PTK2: variants seen among roughly 807,000 people sequenced by gnomAD.
The protein encoded by PTK2 is protein tyrosine kinase 2.
PTK2 carries 45 observed loss-of-function variants against 150.1 expected under a neutral mutation model. The observed-to-expected ratio is 0.30, with a 90% confidence interval of 0.24 to 0.38. The LOEUF is 0.38. PTK2 is among the 10% of genes least tolerant of loss of function. PTK2 has a pLI of 1.00. For missense variants in PTK2, 919 were observed against 1,307.3 expected (o/e 0.70, Z 4.58); for synonymous variants, 432 against 449.2 (o/e 0.96, Z 0.48).
chr8:140,965,743 G>A (rs1412223246), intron 1 of PTK2, among the ~76,000 whole-genome samples: 2 of 152,176 alleles, frequency 1.3e-5, no homozygotes, highest in African/African-American at 2.4e-5. Flanking sequence ...CAGGCATGGT[G>A]GCACACACCT....
chr8:140,879,409 C>T, intron 4 of PTK2, 62 bp downstream of exon 4: 2 of 1,460,146 alleles, frequency 1.4e-6, no homozygotes, highest in Non-Finnish European at 1.8e-6. Flanking sequence ...TTATCTTGTG[C>T]ATGTTTTTAA....
chr8:140,930,951 G>GT (rs2100171474), intron 1 of PTK2, among the ~76,000 whole-genome samples: 1 of 151,740 alleles, frequency 6.6e-6, no homozygotes, highest in African/African-American at 2.4e-5. Context: ...GCATACACCT[G>GT]TAACTCCAGC....
At chr8:140,906,867 C>T (rs998606104) in intron 2 of PTK2, among the ~76,000 whole-genome samples, 2 of 152,126 alleles carry the variant, frequency 1.3e-5, no homozygotes, top group Non-Finnish European at 2.9e-5. Flanking sequence ...ATTTGATCAT[C>T]ACATATTGTA....
At chr8:140,920,711 A>G in intron 2 of PTK2, 1 of 1,140,136 alleles carries the variant, frequency 8.8e-7, no homozygotes, top group Non-Finnish European at 1.2e-6. Flanking sequence ...CTTAAATTTA[A>G]CTGTAAATAT....
chr8:140,869,823 G>A (rs1302983794), intron 4 of PTK2, among the ~76,000 whole-genome samples: 2 of 151,592 alleles, frequency 1.3e-5, no homozygotes, highest in Non-Finnish European at 1.5e-5. Flanking sequence ...GAACTTATAT[G>A]TACTTAACAA....
At chr8:140,751,542 A>G (rs997840544) in intron 17 of PTK2, among the ~76,000 whole-genome samples, 1 of 151,626 alleles carries the variant, frequency 6.6e-6, no homozygotes, top group African/African-American at 2.4e-5. Flanking sequence ...CCCAGGCTGA[A>G]GTGCAGTGTT....
Position 140,674,418 on chromosome 8 carries a change from A to G in PTK2, c.2603-14T>C, listed in dbSNP as rs182077304. The stretch of plus-strand genomic sequence containing the variant: ...GAGCTGCAGGATCTGGTGAGAGAGA[A>G]TGATTCCCATTAAGTCATGTGCGTT... On this transcript the variant is annotated splice_polypyrimidine_tract_variant and intron_variant, in intron 28 of 31. Transcript: ENST00000522684. 1.6e-4 allele frequency: 257 copies of G among 1,570,350 alleles called. No homozygotes were observed. The East Asian group carries it at 3.7e-3, about 23-fold the overall frequency.
chr8:140,911,136 C>T (rs1041475558), intron 2 of PTK2, among the ~76,000 whole-genome samples: 9 of 152,072 alleles, frequency 5.9e-5, no homozygotes, highest in Non-Finnish European at 1.2e-4. Context: ...AGCAATCCAC[C>T]CACCTCAGCC....
At chr8:140,830,123 TCCA>T (rs2100114495) in intron 8 of PTK2, among the ~76,000 whole-genome samples, 2 of 152,064 alleles carry the variant, frequency 1.3e-5, no homozygotes, top group East Asian at 1.9e-4. Context: ...TATTAATGAT[TCCA>T]CCACCACGAT....
At chr8:140,846,576 G>A (rs78440738) in intron 6 of PTK2, 23 bp downstream of exon 6, 51 of 1,530,390 alleles carry the variant, frequency 3.3e-5, no homozygotes, top group East Asian at 3.2e-4. Flanking sequence ...AATAAAGGCC[G>A]CAATGTATAG....
At chr8:140,790,747 A>G (rs1288841468) in intron 13 of PTK2, among the ~76,000 whole-genome samples, 2 of 152,230 alleles carry the variant, frequency 1.3e-5, no homozygotes. Flanking sequence ...GAAATTTTAT[A>G]TCTTTAGTAT....
chr8:140,874,737 C>T (rs2100144563), intron 4 of PTK2, among the ~76,000 whole-genome samples: 1 of 152,134 alleles, frequency 6.6e-6, no homozygotes, highest in African/African-American at 2.4e-5. Context: ...AAATGTCTGA[C>T]ACACAGTAAA....
chr8:140,760,150 A>G (rs2100068555), intron 16 of PTK2, among the ~76,000 whole-genome samples: 2 of 152,030 alleles, frequency 1.3e-5, no homozygotes, highest in South Asian at 4.2e-4. Flanking sequence ...TGAACCTGGA[A>G]GGCGGAGGTT....
At chr8:140,861,595 G>T (rs1056708343) in intron 5 of PTK2, among the ~76,000 whole-genome samples, 11 of 152,124 alleles carry the variant, frequency 7.2e-5, no homozygotes, top group African/African-American at 2.7e-4. Flanking sequence ...CTCTAAGTCT[G>T]TTACTGTCTA....
intron 14 of PTK2, among the ~76,000 whole-genome samples, chr8:140,781,358 G>C (rs2100081585): frequency 6.6e-6 from 1 of 152,182 alleles, no homozygotes; most frequent in Non-Finnish European, 1.5e-5. Flanking sequence ...AGAGGATCAA[G>C]ATGGTTCATA....
chr8:140,692,248 A>G (rs73366327), intron 26 of PTK2, among the ~76,000 whole-genome samples: 3 of 152,340 alleles, frequency 2.0e-5, no homozygotes, highest in African/African-American at 7.2e-5. Context: ...TAGAGCATAC[A>G]CGGACCTCCT....
At chr8:140,941,326 G>A (rs937073574) in intron 1 of PTK2, among the ~76,000 whole-genome samples, 3 of 152,174 alleles carry the variant, frequency 2.0e-5, no homozygotes, top group African/African-American at 4.8e-5. Context: ...GATATTTACT[G>A]TGTGATCAAC....
intron 29 of PTK2, among the ~76,000 whole-genome samples, chr8:140,673,553 G>T (rs979588958): frequency 7.2e-5 from 11 of 152,306 alleles, no homozygotes; most frequent in African/African-American, 2.6e-4. Flanking sequence ...GAGGTAATTT[G>T]TCATTTTAAG....
chr8:140,741,372 G>A (rs1245150234), intron 20 of PTK2, among the ~76,000 whole-genome samples: 1 of 150,922 alleles, frequency 6.6e-6, no homozygotes, highest in Non-Finnish European at 1.5e-5. Flanking sequence ...GGAGAATGGC[G>A]TGAACTTGGG....
Sources: gnomAD v4.1 joint callset for allele counts (sites outside exome capture counted in the v4.1 genomes callset) on GRCh38, gnomAD v4.1.1 for gene constraint, MANE v1.5 for transcripts, NCBI Gene and HGNC (gene_info 2026-07-23, HGNC 2026-07-21) for gene names.